The following SBNO2 variants were observed in gnomAD, a reference collection of about 807,000 sequenced individuals.
The protein encoded by SBNO2 is protein strawberry notch homolog 2.
SBNO2 carries 89 observed loss-of-function variants against 146.3 expected under a neutral mutation model. The observed-to-expected ratio is 0.61, with a 90% CI of 0.51 to 0.73. The LOEUF is 0.73. Ranked by LOEUF, SBNO2 falls within the 30% of genes least tolerant of loss-of-function variation. SBNO2 has a pLI of 0.00. For missense variants in SBNO2, 2,092 were observed against 2,003.7 expected (o/e 1.04, Z -0.84); for synonymous variants, 1,147 against 892.6 (o/e 1.29, Z -5.08).
At chr19:1,134,598 AAT>A (rs2145263448) in intron 4 of SBNO2, among the ~76,000 whole-genome samples, 1 of 152,286 alleles carries the variant, frequency 6.6e-6, no homozygotes, top group South Asian at 2.1e-4. Context: ...CCTGAACAGG[AAT>A]CCACACAGAC....
At position 1,110,708 on chromosome 19, in the gene SBNO2, A is replaced by G. The variant is rs752182718; in HGVS notation, c.3028+37T>C. ...TGGCGTTCCCACGAGCCCCGCACCCACACCCACCCACACCACACCCCGGCA... is the reference window on the plus strand; with the variant it reads ...TGGCGTTCCCACGAGCCCCGCACCCGCACCCACCCACACCACACCCCGGCA... On this transcript the variant is annotated intron_variant, in intron 26 of 31. Coordinates refer to ENST00000361757, the MANE Select transcript of SBNO2 (RefSeq NM_014963.3). The surrounding 1 kb of genome is among the most constrained non-coding windows in gnomAD (Gnocchi z 4.9). 6 of 1,534,274 alleles carry G rather than the reference A, an allele frequency of 3.9e-6. No individual in the cohort carries two copies. The highest frequency in any genetic ancestry group is 5.3e-6 in the Non-Finnish European group (6 of 1,132,822).
At position 1,150,241 on chromosome 19, in the gene SBNO2, C is replaced by T. The variant is rs565896600; in HGVS notation, c.94-799G>A. On this transcript the variant is annotated intron_variant, in intron 2 of 31. Transcript: ENST00000361757. The surrounding 1 kb of genome is among the most constrained non-coding windows in gnomAD (Gnocchi z 6.2). The stretch of plus-strand genomic sequence containing the variant: ...GGGAATGAGAGCGGCTTGAGGCACA[C>T]GGCAGGCCCCAAAACCTGAGGATGG... 7.2e-5 allele frequency among the ~76,000 whole-genome samples: 11 copies of T among 152,256 alleles called. No individual in the cohort carries two copies. Among genetic ancestry groups the T allele is most frequent in the East Asian group, 5.8e-4 (3 of 5,176 alleles).
intron 2 of SBNO2, among the ~76,000 whole-genome samples, chr19:1,151,340 G>A (rs1265204715): frequency 6.6e-6 from 1 of 152,194 alleles, no homozygotes; most frequent in Non-Finnish European, 1.5e-5. Context: ...GGATCCAGGG[G>A]TCCCTGGCTC....
rs2080268015 is a variant in SBNO2 at position 1,154,210 on chromosome 19, G to C, written c.67C>G (p.Leu23Val). 8.0e-7 allele frequency: 1 copy of C among 1,254,952 alleles called. No individual in the cohort carries two copies. Among genetic ancestry groups the C allele is most frequent in the Non-Finnish European group, 1.0e-6 (1 of 999,686 alleles). The allele number at this position is 1,254,952 out of a possible 1,614,324, so 77.7% of individuals were successfully genotyped here. A position where few individuals can be genotyped will look rare whatever the true frequency, so the allele number is the denominator to read the frequency against. ...TGCAGGGGCGGCGGGCTGTACAGGA[G>C]GCTGCCCGCCGGCGGGGGTTCATGC... The part of the protein sequence containing the change: ...PQHEPPPAGS[L>V]LYSPPPLQSA... Residue 23 changes from leucine to valine, a missense_variant, in exon 2 of 32, where the codon CTC becomes GTC. Transcript: ENST00000361757.
chr19:1,116,209 A>G (rs1013412546), intron 16 of SBNO2, 106 bp from the exon 17 acceptor site: 14 of 1,011,558 alleles, frequency 1.4e-5, no homozygotes, highest in Non-Finnish European at 2.0e-5. Context: ...GGTCCCGGAC[A>G]GGACCGGGCC....
chr19:1,172,222 G>A (rs2080484539), intron 1 of SBNO2, among the ~76,000 whole-genome samples: 1 of 152,340 alleles, frequency 6.6e-6, no homozygotes, highest in African/African-American at 2.4e-5. Flanking sequence ...ACGAGAGCCT[G>A]CCTGCGTCTC....
At position 1,137,135 on chromosome 19, in the gene SBNO2, C is replaced by G. The variant is rs1167580860; in HGVS notation, c.280-9370G>C. 2.8e-5 allele frequency among the ~76,000 whole-genome samples: 4 copies of G among 144,084 alleles called. No individual in the cohort carries two copies. In the South Asian group the frequency reaches 9.2e-4, roughly 33 times the overall value. The allele number at this position is 144,084 out of a possible 152,430, so 94.5% of individuals were successfully genotyped here. ...CGAGGGGCAGTGAGGCGAGCAGGAC[C>G]TGGGGAATGTCCTGTGTAGGGGCAC... On this transcript the variant is annotated intron_variant, in intron 4 of 31. Coordinates refer to ENST00000361757, the MANE Select transcript of SBNO2 (RefSeq NM_014963.3).
chr19:1,156,213 GC>G (rs2080288546), intron 1 of SBNO2, among the ~76,000 whole-genome samples: 1 of 152,138 alleles, frequency 6.6e-6, no homozygotes, highest in Non-Finnish European at 1.5e-5. Flanking sequence ...CGGTCTCTGA[GC>G]CCCCCACGTC....
rs1034631637 is a variant in SBNO2 at position 1,112,464 on chromosome 19, C to T, written c.2453G>A (p.Arg818Gln). The T allele has an allele frequency of 6.2e-7, 1 of 1,607,890 alleles. No homozygotes were observed. Among genetic ancestry groups the T allele is most frequent in the Non-Finnish European group, 8.5e-7 (1 of 1,178,744 alleles). The change falls in exon 21 of 32, where the codon CGG (arginine) becomes CAG (glutamine). Residue 818 changes from arginine to glutamine, a missense_variant. By Grantham distance (43) the Arg-to-Gln change is conservative. Coordinates refer to ENST00000361757, the MANE Select transcript of SBNO2 (RefSeq NM_014963.3). This position sits in a 1 kb window ranked among gnomAD's most constrained non-coding sequence, Gnocchi z 5.9. ...CTCCAAGGTCATGTGCACGCGGCGC[C>T]GCTGGTTCTGGACACGGCGGTCGGC... ...LQADRRVQNQ[R>Q]RRVHMTLELP...
intron 13 of SBNO2, 143 bp downstream of exon 13, chr19:1,119,373 G>A (rs1420694440): frequency 3.0e-5 from 26 of 857,618 alleles, no homozygotes; most frequent in South Asian, 2.2e-4. Context: ...TGGGCAGCCC[G>A]AGGCAGTGAA....
At chr19:1,131,659 C>T (rs1017726279) in intron 4 of SBNO2, among the ~76,000 whole-genome samples, 1 of 152,198 alleles carries the variant, frequency 6.6e-6, no homozygotes, top group African/African-American at 2.4e-5. Context: ...CTACAAGAGC[C>T]CCATAAGACA....
chr19:1,111,938 G>A (rs964784992), intron 23 of SBNO2, 58 bp downstream of exon 23: 77 of 1,387,842 alleles, frequency 5.5e-5, no homozygotes, highest in South Asian at 6.5e-5. Flanking sequence ...TCTTAGATCC[G>A]GCCCTCCCTA....
At chr19:1,130,761 C>A (rs2080019216) in intron 4 of SBNO2, among the ~76,000 whole-genome samples, 1 of 152,182 alleles carries the variant, frequency 6.6e-6, no homozygotes, top group South Asian at 2.1e-4. Context: ...CACTGCACAC[C>A]AGCCTGGGTG....
At chr19:1,161,906 CGGGGGGGG>C (rs916715232) in intron 1 of SBNO2, among the ~76,000 whole-genome samples, 25 of 1,344 alleles carry the variant, frequency 0.019, no homozygotes, top group African/African-American at 0.094. Context: ...TGGGGAGCCG[CGGGGGGGG>C]GGGGGGGGGG....
rs530282952 is a variant in SBNO2, at chr19:1,156,720, C to T, written c.-126-2318G>A. ...CCACAGCGCAGACGCACCTTGAGGA[C>T]GTCACGCTCTGTGAGAGACGCCAGG... On this transcript the variant is annotated intron_variant, in intron 1 of 31. Transcript: ENST00000361757. Among the ~76,000 whole-genome samples, 61 of 152,250 alleles carry T rather than the reference C, an allele frequency of 4.0e-4. 1 individual carries two copies. The highest frequency in any genetic ancestry group is 1.4e-3 in the African/African-American group (58 of 41,530).
chr19:1,134,434 G>A (rs778773690), intron 4 of SBNO2, among the ~76,000 whole-genome samples: 3 of 148,224 alleles, frequency 2.0e-5, no homozygotes, highest in East Asian at 3.8e-4. Context: ...CAGTGAGGCC[G>A]TCCACACACT....
rs1174106342 is a variant in SBNO2, at chr19:1,157,037, A to T, written c.-126-2635T>A. On this transcript the variant is annotated intron_variant, in intron 1 of 31. Coordinates refer to ENST00000361757, the MANE Select transcript of SBNO2 (RefSeq NM_014963.3). The surrounding 1 kb of genome is among the most constrained non-coding windows in gnomAD (Gnocchi z 6.8). The stretch of plus-strand genomic sequence containing the variant: ...ATCGCCTCCCACCCTGTCCTCGGCC[A>T]TATCTCACAACCCCTGCTGCCCCGA... Among the ~76,000 whole-genome samples the T allele has an allele frequency of 9.1e-6, 1 of 109,494 alleles. No individual in the cohort carries two copies. The highest frequency in any genetic ancestry group is 1.2e-4 in the Admixed American group (1 of 8,602). 71.8% of individuals were successfully genotyped at this position (109,494 alleles called of 152,430 possible). A position where few individuals can be genotyped will look rare whatever the true frequency, so the allele number is the denominator to read the frequency against.
intron 19 of SBNO2, 123 bp downstream of exon 19, chr19:1,113,412 T>A (rs2079791236): frequency 1.1e-6 from 1 of 938,816 alleles, no homozygotes. Flanking sequence ...CGCCCCCTCC[T>A]CGCAGGGCCG....
Position 1,111,610 on chromosome 19 carries a change from CCATA to C in SBNO2, c.2701_2704del (p.Tyr901AlafsTer13). ...GAGGACACAGTGCAGGGCCCGGGTG[CCATA>C]CTAGGGGGAGAAGGTGACTCGGGGA... On this transcript the variant is annotated frameshift_variant and splice_region_variant, in exon 24 of 32. Coordinates refer to ENST00000361757, the MANE Select transcript of SBNO2 (RefSeq NM_014963.3). LOFTEE classifies it high-confidence loss of function. 1 of 1,581,292 alleles carries C rather than the reference CCATA, an allele frequency of 6.3e-7. No individual in the cohort carries two copies. Among genetic ancestry groups the C allele is most frequent in the Non-Finnish European group, 8.6e-7 (1 of 1,163,806 alleles).
Sources: gnomAD v4.1 joint callset for allele counts (sites outside exome capture counted in the v4.1 genomes callset) on GRCh38, gnomAD v4.1.1 for gene constraint, Gnocchi (gnomAD v3.1) non-coding constraint, MANE v1.5 for transcripts, NCBI Gene and HGNC (gene_info 2026-07-23, HGNC 2026-07-21) for gene names.